Variants in GRIP1 observed in about 807,000 individuals in gnomAD.
The protein encoded by GRIP1 is glutamate receptor interacting protein 1.
A neutral mutation model predicts 129.9 loss-of-function variants in GRIP1; 45 were observed. The observed-to-expected ratio is 0.35, with a 90% CI of 0.27 to 0.44. The LOEUF is 0.44. Among genes scored for constraint, GRIP1 ranks in the 20% least tolerant of loss-of-function variants. The pLI is 1.00. For synonymous variants in GRIP1, 530 were observed against 520.8 expected (o/e 1.02, Z -0.24); for missense variants, 1,196 against 1,396.8 (o/e 0.86, Z 2.29).
chr12:67,037,057 C>T (rs775899435), intron 1 of GRIP1, among the ~76,000 whole-genome samples: 5 of 152,004 alleles, frequency 3.3e-5, no homozygotes, highest in African/African-American at 4.8e-5. Context: ...TCAGGCCAGG[C>T]GCAGTGGCTC....
chr12:66,853,757 G>T (rs1309788234), intron 1 of GRIP1, among the ~76,000 whole-genome samples: 7 of 152,112 alleles, frequency 4.6e-5, no homozygotes, highest in African/African-American at 1.7e-4. Flanking sequence ...AAATTAATAC[G>T]AGTAAACACT....
At chr12:66,748,099 A>G (rs1243398529) in intron 1 of GRIP1, among the ~76,000 whole-genome samples, 1 of 151,748 alleles carries the variant, frequency 6.6e-6, no homozygotes, top group African/African-American at 2.4e-5. Context: ...GCTCACTGCA[A>G]CCTCCACCTT....
intron 2 of GRIP1, among the ~76,000 whole-genome samples, chr12:66,588,490 G>C (rs2063725978): frequency 6.6e-6 from 1 of 152,156 alleles, no homozygotes; most frequent in South Asian, 2.1e-4. Flanking sequence ...ATACTTCTGA[G>C]CAGAGGCTCA....
chr12:66,722,847 A>T (rs997306762), intron 1 of GRIP1, among the ~76,000 whole-genome samples: 2 of 152,196 alleles, frequency 1.3e-5, no homozygotes, highest in African/African-American at 4.8e-5. Flanking sequence ...TAAAATGGTA[A>T]AACTAGAATT....
intron 1 of GRIP1, among the ~76,000 whole-genome samples, chr12:66,918,078 T>C (rs1351495923): frequency 3.3e-5 from 5 of 151,884 alleles, no homozygotes. Flanking sequence ...GGAGAGGCTA[T>C]GCAGTCCCAA....
chr12:66,499,771 A>G (rs1208127299), intron 7 of GRIP1, among the ~76,000 whole-genome samples: 1 of 152,222 alleles, frequency 6.6e-6, no homozygotes, highest in Non-Finnish European at 1.5e-5. Context: ...TGGGAGGTCA[A>G]GGCGAGAAGA....
chr12:66,633,111 C>G (rs993551066), intron 1 of GRIP1, among the ~76,000 whole-genome samples: 2 of 151,604 alleles, frequency 1.3e-5, no homozygotes, highest in African/African-American at 4.8e-5. Context: ...CTCCAGGGCT[C>G]AAGTGATCCT....
intron 1 of GRIP1, among the ~76,000 whole-genome samples, chr12:66,849,205 T>C (rs1172195275): frequency 2.0e-5 from 3 of 152,102 alleles, no homozygotes; most frequent in Non-Finnish European, 4.4e-5. Flanking sequence ...TCACTCACAC[T>C]TGCTCCTTCC....
chr12:66,392,800 T>C lies in GRIP1; in HGVS notation c.2146A>G (p.Ile716Val). 1 of 1,614,106 alleles carries C rather than the reference T, an allele frequency of 6.2e-7. No individual in the cohort carries two copies. The highest frequency in any genetic ancestry group is 2.2e-5 in the East Asian group (1 of 44,862). ...GLAERTGAIH[I>V]GDRILAINSS... is the part of the protein sequence containing the mutation. The stretch of plus-strand genomic sequence containing the variant: ...TTGATGGCTAGGATTCGGTCTCCTA[T>C]GTGGATTGCGCCAGTTCTGAAAAGC... Residue 716 changes from isoleucine (I) to valine (V), a missense_variant, in exon 18 of 25, where the codon ATA becomes GTA. Physicochemically the swap from Ile to Val is conservative, Grantham distance 29. Transcript: ENST00000359742.
At position 67,042,627 on chromosome 12, in the gene GRIP1, C is replaced by T. The variant is rs183623882; in HGVS notation, c.58+26423G>A. ...TGGTATTTGAATTTAAATATCTTTACATTTTTAATCTGCAGAAACAAAGCT... is the reference window on the plus strand; with the variant it reads ...TGGTATTTGAATTTAAATATCTTTATATTTTTAATCTGCAGAAACAAAGCT... On this transcript the variant is annotated intron_variant, in intron 1 of 1. Transcript: ENST00000643019. Among the ~76,000 whole-genome samples the T allele has an allele frequency of 7.9e-5, 12 of 152,236 alleles. No homozygotes were observed. In the East Asian group the frequency reaches 2.3e-3, roughly 29 times the overall value.
chr12:66,773,242 G>T lies in GRIP1; in HGVS notation c.-420+30811C>A, dbSNP rs192011751. 2.8e-3 allele frequency among the ~76,000 whole-genome samples: 419 copies of T among 152,260 alleles called. 1 individual carries two copies. Among genetic ancestry groups the T allele is most frequent in the Non-Finnish European group, 4.5e-3 (305 of 68,026 alleles). ...AAGAAAAGAACCAAATCATCGATGG[G>T]CATTTGGGTTGGTTCCAAGTCTTTG... On this transcript the variant is annotated intron_variant, in intron 1 of 4. Coordinates refer to the GRIP1 transcript ENST00000538373.
intron 1 of GRIP1, among the ~76,000 whole-genome samples, chr12:66,598,154 T>C (rs11176307): frequency 0.17 from 25,736 of 152,154 alleles, 2,451 homozygotes; most frequent in African/African-American, 0.27. Flanking sequence ...CATCTGAGAA[T>C]ATTAATTCTC....
chr12:66,998,865 C>T (rs1006351962), intron 1 of GRIP1, among the ~76,000 whole-genome samples: 5 of 152,148 alleles, frequency 3.3e-5, no homozygotes, highest in Non-Finnish European at 7.4e-5. Flanking sequence ...ATTGTGCCCA[C>T]TAGCATTAAA....
chr12:66,450,039 G>A (rs182729700), intron 11 of GRIP1, among the ~76,000 whole-genome samples: 497 of 151,890 alleles, frequency 3.3e-3, no homozygotes, highest in African/African-American at 0.011. Context: ...GGTGGCTCAC[G>A]CCTGTAATCC....
At chr12:66,801,992 AG>A (rs1418736262) in intron 1 of GRIP1, among the ~76,000 whole-genome samples, 4 of 152,174 alleles carry the variant, frequency 2.6e-5, no homozygotes, top group Non-Finnish European at 4.4e-5. Flanking sequence ...CCCATTTGAG[AG>A]GACTGGTTTT....
intron 5 of GRIP1, among the ~76,000 whole-genome samples, chr12:66,524,538 G>C (rs1430827277): frequency 2.0e-5 from 3 of 151,906 alleles, no homozygotes; most frequent in Admixed American, 6.6e-5. Flanking sequence ...AGTGTGTAGA[G>C]GGAAATTTAT....
intron 15 of GRIP1, among the ~76,000 whole-genome samples, chr12:66,413,914 C>T (rs2057489587): frequency 6.6e-6 from 1 of 152,120 alleles, no homozygotes; most frequent in African/African-American, 2.4e-5. Context: ...CATTTAAAAA[C>T]TCTCAATAAT....
chr12:66,405,460 C>T (rs140485112), intron 16 of GRIP1, among the ~76,000 whole-genome samples: 2,129 of 152,226 alleles, frequency 0.014, 28 homozygotes, highest in Non-Finnish European at 0.022. Context: ...TCAGGGCTAC[C>T]CAAAGTGTGC....
chr12:66,657,597 T>C (rs1031597398), intron 1 of GRIP1, among the ~76,000 whole-genome samples: 1 of 152,218 alleles, frequency 6.6e-6, no homozygotes, highest in African/African-American at 2.4e-5. Flanking sequence ...AAAGTAATGT[T>C]ATTAGACTTA....
Sources: allele counts gnomAD v4.1 joint callset (sites outside exome capture counted in the v4.1 genomes callset), GRCh38; gene constraint gnomAD v4.1.1; transcripts MANE v1.5; gene names NCBI Gene and HGNC (gene_info 2026-07-23, HGNC 2026-07-21).